LRRTM4: variants seen among roughly 807,000 people sequenced by gnomAD.
The protein encoded by LRRTM4 is leucine-rich repeat transmembrane neuronal protein 4.
In LRRTM4, 25 loss-of-function variants were observed where a neutral mutation model predicts 47.6. The ratio of observed to expected loss-of-function variants is 0.53; its 90% CI spans 0.38 to 0.73. The LOEUF is 0.73. Among genes scored for constraint, LRRTM4 ranks in the 30% least tolerant of loss-of-function variants. LRRTM4 has a pLI of 0.00. For synonymous variants in LRRTM4, 311 were observed against 269.5 expected (o/e 1.15, Z -1.51); for missense variants, 638 against 713.4 (o/e 0.89, Z 1.20).
intron 3 of LRRTM4, among the ~76,000 whole-genome samples, chr2:77,033,289 A>G (rs1163004888): frequency 6.6e-6 from 1 of 151,844 alleles, no homozygotes; most frequent in Non-Finnish European, 1.5e-5. Flanking sequence ...TTGAATTTAT[A>G]TTTATGAAGA....
At chr2:77,300,041 G>A (rs989340317) in intron 3 of LRRTM4, among the ~76,000 whole-genome samples, 1 of 151,768 alleles carries the variant, frequency 6.6e-6, no homozygotes, top group Non-Finnish European at 1.5e-5. Flanking sequence ...TAGTAGACAC[G>A]GGGTTTCACC....
chr2:77,102,536 C>G (rs1022389216), intron 3 of LRRTM4, among the ~76,000 whole-genome samples: 3 of 152,156 alleles, frequency 2.0e-5, no homozygotes, highest in African/African-American at 7.2e-5. Context: ...GGGGAATATT[C>G]CCACGTATTT....
intron 3 of LRRTM4, among the ~76,000 whole-genome samples, chr2:77,285,337 A>C: frequency 8.4e-5 from 1 of 11,966 alleles, no homozygotes; most frequent in African/African-American, 4.2e-4. Flanking sequence ...CTCAGCATTA[A>C]ATTTATATAT....
chr2:77,446,376 C>T (rs766752538), intron 3 of LRRTM4, among the ~76,000 whole-genome samples: 1 of 151,932 alleles, frequency 6.6e-6, no homozygotes, highest in Non-Finnish European at 1.5e-5. Flanking sequence ...CCATTATCCT[C>T]TGGGGGTCAG....
intron 3 of LRRTM4, among the ~76,000 whole-genome samples, chr2:77,263,524 T>G (rs1050219624): frequency 6.6e-6 from 1 of 152,088 alleles, no homozygotes; most frequent in Non-Finnish European, 1.5e-5. Flanking sequence ...TCCAGATGGA[T>G]AGTTTCAAAA....
intron 3 of LRRTM4, among the ~76,000 whole-genome samples, chr2:77,400,410 C>T (rs1673904166): frequency 6.6e-6 from 1 of 151,780 alleles, no homozygotes; most frequent in Non-Finnish European, 1.5e-5. Flanking sequence ...GCTCATATAT[C>T]AGCTCGTGTA....
At chr2:77,043,800 T>A (rs62170903) in intron 3 of LRRTM4, among the ~76,000 whole-genome samples, 18,301 of 151,754 alleles carry the variant, frequency 0.12, 1,386 homozygotes, top group Admixed American at 0.19. Context: ...TCTACTGGAA[T>A]AATAACTAAC....
intron 3 of LRRTM4, among the ~76,000 whole-genome samples, chr2:77,029,896 C>G (rs1292486829): frequency 6.6e-6 from 1 of 152,058 alleles, no homozygotes; most frequent in African/African-American, 2.4e-5. Context: ...TGACCAAAAT[C>G]CTAGGGACTC....
At chr2:77,311,953 T>C (rs1677467770) in intron 3 of LRRTM4, among the ~76,000 whole-genome samples, 1 of 152,138 alleles carries the variant, frequency 6.6e-6, no homozygotes, top group African/African-American at 2.4e-5. Context: ...GCTGGTTTTG[T>C]TTCCTCCTTA....
intron 3 of LRRTM4, among the ~76,000 whole-genome samples, chr2:77,020,769 C>T (rs1422271036): frequency 2.6e-5 from 4 of 152,230 alleles, no homozygotes; most frequent in Admixed American, 2.6e-4. Flanking sequence ...TATCTCTCAG[C>T]GTAGAGCCAT....
chr2:76,911,062 T>G (rs1333301005), intron 3 of LRRTM4, among the ~76,000 whole-genome samples: 1 of 152,246 alleles, frequency 6.6e-6, no homozygotes, highest in Non-Finnish European at 1.5e-5. Flanking sequence ...TCATAATAGT[T>G]ACACATTTTT....
rs1354767872 is a variant in LRRTM4, at chr2:77,308,737, T to G, written c.1551+209581A>C. On this transcript the variant is annotated intron_variant, in intron 3 of 3. Transcript: ENST00000409884. ...GTTTGCTAAAAGACCTACTGTCTCT[T>G]AGGCCAAATTGTTTTGTTTTCTTTT... 3.9e-5 allele frequency among the ~76,000 whole-genome samples: 6 copies of G among 152,136 alleles called. No individual in the cohort carries two copies. The East Asian group carries it at 9.7e-4, about 24-fold the overall frequency.
At chr2:77,401,760 T>A (rs917478780) in intron 3 of LRRTM4, among the ~76,000 whole-genome samples, 1 of 151,972 alleles carries the variant, frequency 6.6e-6, no homozygotes, top group Non-Finnish European at 1.5e-5. Flanking sequence ...ATAAATTATA[T>A]ATTTTTGTAT....
intron 3 of LRRTM4, among the ~76,000 whole-genome samples, chr2:77,481,914 G>T (rs1404046450): frequency 6.7e-6 from 1 of 149,672 alleles, no homozygotes; most frequent in Admixed American, 6.7e-5. Context: ...GTTATTTTAG[G>T]ACCTGACACC....
chr2:77,495,461 T>C (rs2104059334), intron 3 of LRRTM4, among the ~76,000 whole-genome samples: 1 of 152,174 alleles, frequency 6.6e-6, no homozygotes. Flanking sequence ...ATATAATAAA[T>C]ACTTGCCTAA....
At chr2:77,229,191 A>C (rs1674897525) in intron 3 of LRRTM4, among the ~76,000 whole-genome samples, 1 of 152,088 alleles carries the variant, frequency 6.6e-6, no homozygotes, top group African/African-American at 2.4e-5. Context: ...TTGCATTCAT[A>C]AATTGTAAAA....
chr2:77,308,567 T>C (rs1197376323), intron 3 of LRRTM4, among the ~76,000 whole-genome samples: 1 of 152,164 alleles, frequency 6.6e-6, no homozygotes, highest in Non-Finnish European at 1.5e-5. Flanking sequence ...TAAGCCTGTA[T>C]GTATTCTTCC....
chr2:77,012,293 T>C (rs1315275698), intron 3 of LRRTM4, among the ~76,000 whole-genome samples: 1 of 151,898 alleles, frequency 6.6e-6, no homozygotes, highest in African/African-American at 2.4e-5. Flanking sequence ...CCAAGAATAA[T>C]CATTTTTTTT....
At chr2:77,371,025 T>C (rs567175640) in intron 3 of LRRTM4, among the ~76,000 whole-genome samples, 1 of 151,820 alleles carries the variant, frequency 6.6e-6, no homozygotes, top group East Asian at 1.9e-4. Flanking sequence ...TAGAAAAATG[T>C]CAGAAAATGT....
Sources: gnomAD v4.1 joint callset for allele counts (sites outside exome capture counted in the v4.1 genomes callset) on GRCh38, gnomAD v4.1.1 for gene constraint, MANE v1.5 for transcripts, NCBI Gene and HGNC (gene_info 2026-07-23, HGNC 2026-07-21) for gene names.